CYP2B6: variants seen among roughly 807,000 people sequenced by gnomAD.
CYP2B6 encodes the protein cytochrome P450 2B6.
In CYP2B6, 35 loss-of-function variants were observed where a neutral mutation model predicts 43.4. That is an observed-to-expected ratio of 0.81 (90% CI 0.62 to 1.07). The LOEUF is 1.07. CYP2B6 is among the 50% of genes least tolerant of loss of function. The pLI is 0.00. For missense variants in CYP2B6, 624 were observed against 632.8 expected, an observed-to-expected ratio of 0.99 and a Z score of 0.15; for synonymous variants, 239 against 239.2, an observed-to-expected ratio of 1.00 and a Z score of 0.01.
At chr19:41,012,222 T>G in intron 6 of CYP2B6, 76 bp from the exon 7 acceptor site, 5 of 1,429,874 alleles carry the variant, frequency 3.5e-6, no homozygotes, top group Non-Finnish European at 3.9e-6. Flanking sequence ...ATTGCTGGGA[T>G]TACAGGCATG....
chr19:41,005,110 G>T (rs1292512287), intron 3 of CYP2B6, among the ~76,000 whole-genome samples: 2 of 152,154 alleles, frequency 1.3e-5, no homozygotes, highest in African/African-American at 2.4e-5. Flanking sequence ...AACAAATAAT[G>T]AACTGTGTTT....
intron 5 of CYP2B6, chr19:41,009,707 A>G: frequency 1.7e-6 from 1 of 596,276 alleles, no homozygotes; most frequent in South Asian, 2.1e-5. Context: ...AAATACAGCA[A>G]CAAGAGAAAA....
At chr19:41,010,768 T>C (rs1344087410) in intron 6 of CYP2B6, among the ~76,000 whole-genome samples, 1 of 151,684 alleles carries the variant, frequency 6.6e-6, no homozygotes, top group South Asian at 2.1e-4. Context: ...ACCCATTAAG[T>C]AATTTCTCAT....
At chr19:41,010,784 AC>A (rs1969271710) in intron 6 of CYP2B6, among the ~76,000 whole-genome samples, 1 of 151,310 alleles carries the variant, frequency 6.6e-6, no homozygotes, top group Non-Finnish European at 1.5e-5. Flanking sequence ...CTCATCATTC[AC>A]CCCCCTTCTG....
At chr19:41,010,537 C>G (rs756024377) in intron 6 of CYP2B6, among the ~76,000 whole-genome samples, 12 of 151,910 alleles carry the variant, frequency 7.9e-5, no homozygotes, top group Non-Finnish European at 1.3e-4. Context: ...CCTCAGCTTC[C>G]CGAGTAGCTG....
In CYP2B6 at chr19:41,006,348, G is replaced by A. The variant is rs1969186113; in HGVS notation, c.485-557G>A. ...ACATTTTTTTTTTTTTTTTTTTGTA[G>A]AGACAGGGTCTCCTTATGTTGCCCA... is the stretch of plus-strand genomic sequence containing the variant. On this transcript the variant is annotated intron_variant, in intron 3 of 8. Coordinates refer to ENST00000324071, the MANE Select transcript of CYP2B6 (RefSeq NM_000767.5). Among the ~76,000 whole-genome samples the A allele has an allele frequency of 4.0e-5, 3 of 75,916 alleles. No individual in the cohort carries two copies. The Admixed American group carries it at 5.1e-4, about 13-fold the overall frequency. 49.8% of individuals were successfully genotyped at this position (75,916 alleles called of 152,430 possible).
chr19:40,994,195 TGGGAGGTATTA>T (rs1968965376), intron 1 of CYP2B6, among the ~76,000 whole-genome samples: 1 of 152,142 alleles, frequency 6.6e-6, no homozygotes, highest in Non-Finnish European at 1.5e-5. Context: ...CTTTTAACTA[TGGGAGGTATTA>T]GGAAACTCTC....
At position 41,016,433 on chromosome 19, in the gene CYP2B6, A is replaced by AAGAG. The variant is rs1555793763; in HGVS notation, c.1295-203_1295-200dup. ...AAAAAAAAAAAAAAAAAAAAAAAAA[A>AAGAG]AGAGAGAGAGAGAAATGAACGTGGC... On this transcript the variant is annotated intron_variant, in intron 8 of 8. Transcript: ENST00000324071. Among the ~76,000 whole-genome samples, 207 of 98,960 alleles carry AAGAG rather than the reference A, an allele frequency of 2.1e-3. 1 individual carries two copies. Among genetic ancestry groups the AAGAG allele is most frequent in the African/African-American group, 8.0e-3 (191 of 23,938 alleles). 64.9% of individuals were successfully genotyped at this position (98,960 alleles called of 152,430 possible).
chr19:41,003,870 G>A lies in CYP2B6; in HGVS notation c.172-131G>A, dbSNP rs1320715049. 2.4e-4 allele frequency: 302 copies of A among 1,264,308 alleles called. No individual in the cohort carries two copies. In the African/African-American group the frequency reaches 3.7e-3, roughly 16 times the overall value. 78.3% of individuals were successfully genotyped at this position (1,264,308 alleles called of 1,614,324 possible). On this transcript the variant is annotated intron_variant, in intron 1 of 8. Coordinates refer to ENST00000324071, the MANE Select transcript of CYP2B6 (RefSeq NM_000767.5). Reference sequence around the variant, plus strand: ...CCTTAATTGCTGGGTCCCAGCAGGGGAAAGGGCAGCCTGGGGAGGCGGATG... The same window carrying A: ...CCTTAATTGCTGGGTCCCAGCAGGGAAAAGGGCAGCCTGGGGAGGCGGATG...
chr19:41,007,220 G>A (rs1568561109), intron 4 of CYP2B6, 155 bp downstream of exon 4: 4 of 743,652 alleles, frequency 5.4e-6, no homozygotes, highest in South Asian at 4.9e-5. Flanking sequence ...GACCTGGAGG[G>A]AGGAGAGACG....
At chr19:40,992,394 G>A (rs1568556399) in intron 1 of CYP2B6, among the ~76,000 whole-genome samples, 2 of 152,198 alleles carry the variant, frequency 1.3e-5, no homozygotes, top group South Asian at 2.1e-4. Flanking sequence ...TCTGCTCTCA[G>A]TATGGAATTC....
chr19:40,992,032 T>A (rs1988104751), intron 1 of CYP2B6, among the ~76,000 whole-genome samples: 1 of 151,948 alleles, frequency 6.6e-6, no homozygotes, highest in Admixed American at 6.6e-5. Flanking sequence ...TGAAACCTTG[T>A]CTCTACTAAA....
At chr19:41,009,787 G>C in intron 5 of CYP2B6, 1 of 627,494 alleles carries the variant, frequency 1.6e-6, no homozygotes, top group Non-Finnish European at 2.8e-6. Flanking sequence ...GAGAGAGATA[G>C]AAACAGAGTT....
intron 1 of CYP2B6, among the ~76,000 whole-genome samples, chr19:40,997,522 C>T (rs971180603): frequency 6.6e-6 from 1 of 151,884 alleles, no homozygotes; most frequent in African/African-American, 2.4e-5. Flanking sequence ...AGTATATATG[C>T]CAATACTACT....
chr19:41,012,234 G>T, intron 6 of CYP2B6, 64 bp from the exon 7 acceptor site: 1 of 1,490,036 alleles, frequency 6.7e-7, no homozygotes, highest in African/African-American at 1.4e-5. Flanking sequence ...ACAGGCATGA[G>T]CCACCATGCC....
intron 1 of CYP2B6, among the ~76,000 whole-genome samples, chr19:40,997,688 G>A (rs1256508984): frequency 6.6e-6 from 1 of 152,082 alleles, no homozygotes; most frequent in Non-Finnish European, 1.5e-5. Flanking sequence ...GAAGATACAA[G>A]GTAATTGGTC....
chr19:41,016,532 C>T (rs1191687512), intron 8 of CYP2B6, 114 bp from the exon 9 acceptor site: 2 of 1,099,568 alleles, frequency 1.8e-6, no homozygotes, highest in East Asian at 2.6e-5. Flanking sequence ...AGGTTAAAGG[C>T]CAGTCTTATG....
chr19:40,993,207 A>G (rs1003069314), intron 1 of CYP2B6, among the ~76,000 whole-genome samples: 8 of 152,092 alleles, frequency 5.3e-5, no homozygotes, highest in African/African-American at 1.7e-4. Context: ...CTGGAGACCC[A>G]CTAGAAGAAA....
At chr19:41,008,952 C>G (rs1969236161) in intron 4 of CYP2B6, among the ~76,000 whole-genome samples, 1 of 150,082 alleles carries the variant, frequency 6.7e-6, no homozygotes. Flanking sequence ...GGAAGTGAGA[C>G]AGAGACTAAG....
Sources: gnomAD v4.1 joint callset for allele counts (sites outside exome capture counted in the v4.1 genomes callset) on GRCh38, gnomAD v4.1.1 for gene constraint, MANE v1.5 for transcripts, NCBI Gene and HGNC (gene_info 2026-07-23, HGNC 2026-07-21) for gene names.